Variants in TMEM67 observed in about 807,000 individuals in gnomAD.
The protein encoded by TMEM67 is meckelin.
Under a neutral mutation model 136.6 loss-of-function variants are expected in TMEM67, and 124 were observed. The observed-to-expected ratio is 0.91, with a 90% CI of 0.78 to 1.05. TMEM67 has a LOEUF of 1.05. Among genes scored for constraint, TMEM67 ranks in the 50% least tolerant of loss-of-function variants. The pLI, the probability that TMEM67 is intolerant of heterozygous loss-of-function variation, is 0.00. For missense variants in TMEM67, 1,107 were observed against 1,178.4 expected, an observed-to-expected ratio of 0.94 and a Z score of 0.89; for synonymous variants, 364 against 390.5, an observed-to-expected ratio of 0.93 and a Z score of 0.80.
intron 24 of TMEM67, 47 bp downstream of exon 24, chr8:93,809,003 TTTTTA>T: frequency 6.5e-7 from 1 of 1,536,806 alleles, no homozygotes; most frequent in Non-Finnish European, 9.0e-7. Flanking sequence ...TATTTCATGT[TTTTTA>T]GATACCAAGA....
At chr8:93,814,904 C>T (rs1808848081) in intron 26 of TMEM67, among the ~76,000 whole-genome samples, 1 of 152,176 alleles carries the variant, frequency 6.6e-6, no homozygotes, top group Admixed American at 6.5e-5. Context: ...AATTCTTGAA[C>T]TCTTGAACAC....
intron 14 of TMEM67, 192 bp from the exon 15 acceptor site, chr8:93,791,071 A>C (rs772508979): frequency 4.4e-5 from 23 of 528,302 alleles, no homozygotes; most frequent in Non-Finnish European, 7.8e-5. Context: ...GTGAAAGGAT[A>C]TTTAAAGCAG....
At chr8:93,808,783 T>C in intron 23 of TMEM67, 57 bp from the exon 24 acceptor site, 1 of 1,130,844 alleles carries the variant, frequency 8.8e-7, no homozygotes, top group Non-Finnish European at 1.3e-6. Flanking sequence ...TATTTTCTTT[T>C]TGAGGCAGGA....
At position 93,785,419 on chromosome 8, in the gene TMEM67, A is replaced by G. The variant is rs759569637; in HGVS notation, c.1288+41A>G. 3.2e-6 allele frequency: 5 copies of G among 1,581,786 alleles called. No homozygotes were observed. In the Admixed American group the frequency reaches 8.4e-5, roughly 27 times the overall value. ...ATACCACTCTTTTCCCTGAGCAGAA[A>G]TCAACAAATAAGTTAACCTACATGA... On this transcript the variant is annotated intron_variant, in intron 12 of 27. Transcript: ENST00000453321.
rs759073614 is a variant in TMEM67 at position 93,797,399 on chromosome 8, T to C, written c.2029T>C (p.Trp677Arg). The stretch of plus-strand genomic sequence containing the variant: ...GAGAACATATTTTGTAGCAAATGAA[T>C]GGAATGAAATTCAGACTGTGAGAAA... ...IWRTYFVANE[W>R]NEIQTVRKIN... is the part of the protein sequence containing the mutation. The change falls in exon 20 of 28, where the codon TGG (tryptophan) becomes CGG (arginine). Residue 677 changes from tryptophan (W) to arginine (R), a missense_variant. Coordinates refer to ENST00000453321, the MANE Select transcript of TMEM67 (RefSeq NM_153704.6). 1 of 1,614,036 alleles carries C rather than the reference T, an allele frequency of 6.2e-7. No individual in the cohort carries two copies.
Position 93,780,916 on chromosome 8 carries a change from A to C in TMEM67, c.912A>C (p.Gly304=), listed in dbSNP as rs1415395577. Residue 304 remains glycine (G), a synonymous_variant, in exon 9 of 28, where the codon GGA becomes GGC. Transcript: ENST00000453321. Reference sequence around the variant, plus strand: ...GGCTGTTTTATGGAGACCAGTTAGGATTAGCACCTCAAGTGCTCAGTTCTA... The same window carrying C: ...GGCTGTTTTATGGAGACCAGTTAGGCTTAGCACCTCAAGTGCTCAGTTCTA... ...LPWLFYGDQL[G]LAPQVLSSTS... 2 of 1,612,526 alleles carry C rather than the reference A, an allele frequency of 1.2e-6. No individual in the cohort carries two copies. Among genetic ancestry groups the C allele is most frequent in the Non-Finnish European group, 1.7e-6 (2 of 1,179,886 alleles).
chr8:93,802,044 A>C (rs1814893536), intron 21 of TMEM67, among the ~76,000 whole-genome samples: 1 of 152,234 alleles, frequency 6.6e-6, no homozygotes, highest in Non-Finnish European at 1.5e-5. Context: ...ATTTGGTTGA[A>C]TATAACACAA....
At chr8:93,832,618 C>T in the TMEM67 span, among the ~76,000 whole-genome samples, 57 of 152,160 alleles carry the variant, frequency 3.7e-4, no homozygotes, top group African/African-American at 1.2e-3. Context: ...CCTGTAATCC[C>T]AGCATTTTGG....
chr8:93,782,212 C>T (rs1287051302), intron 10 of TMEM67, among the ~76,000 whole-genome samples, 183 bp from the exon 11 acceptor site: 1 of 152,080 alleles, frequency 6.6e-6, no homozygotes, highest in Non-Finnish European at 1.5e-5. Flanking sequence ...CCATGCCTGG[C>T]TAAGTTTTAT....
rs1432152491 is a variant in TMEM67 at position 93,755,135 on chromosome 8, G to A, written c.221G>A (p.Arg74Gln). Residue 74 changes from arginine (R) to glutamine (Q), a missense_variant and splice_region_variant, in exon 1 of 28, where the codon CGA becomes CAA. Transcript: ENST00000453321. ...GGAGCTAACCAGAGGCAAGATGCCC[G>A]AGGTAAGACGGTTTGCGGTGGGCCC... ...PCGANQRQDA[R>Q]GTSCVCLPGF... 1 of 1,614,070 alleles carries A rather than the reference G, an allele frequency of 6.2e-7. No individual in the cohort carries two copies. Among genetic ancestry groups the A allele is most frequent in the Non-Finnish European group, 8.5e-7 (1 of 1,179,964 alleles).
At chr8:93,760,588 C>T (rs1052807000) in intron 3 of TMEM67, among the ~76,000 whole-genome samples, 4 of 151,772 alleles carry the variant, frequency 2.6e-5, no homozygotes, top group African/African-American at 9.7e-5. Flanking sequence ...ACCAAAAATA[C>T]TCAGTCACTT....
At chr8:93,801,564 G>C (rs1215898954) in intron 21 of TMEM67, among the ~76,000 whole-genome samples, 1 of 152,068 alleles carries the variant, frequency 6.6e-6, no homozygotes, top group Non-Finnish European at 1.5e-5. Flanking sequence ...ACCAGGCCCA[G>C]CTAATTTTTG....
chr8:93,808,812 T>A, intron 23 of TMEM67, 28 bp from the exon 24 acceptor site: 1 of 1,419,364 alleles, frequency 7.0e-7, no homozygotes, highest in Non-Finnish European at 1.0e-6. Context: ...ATAATTTTGA[T>A]CTTAACTTAA....
In TMEM67 at chr8:93,815,292, A is replaced by G. The variant is rs1563486326; in HGVS notation, c.2765-13A>G. On this transcript the variant is annotated splice_polypyrimidine_tract_variant and intron_variant, in intron 26 of 27. Coordinates refer to ENST00000453321, the MANE Select transcript of TMEM67 (RefSeq NM_153704.6). ...TAAATTTCTAATTTATATTTTCTAA[A>G]TTTTTTTAATAGATGAAGGTTATTC... 1.3e-6 allele frequency: 2 copies of G among 1,493,544 alleles called. No individual in the cohort carries two copies. Among genetic ancestry groups the G allele is most frequent in the South Asian group, 1.3e-5 (1 of 77,262 alleles). 92.5% of individuals were successfully genotyped at this position (1,493,544 alleles called of 1,614,324 possible).
At chr8:93,791,100 G>A (rs763485434) in intron 14 of TMEM67, 163 bp from the exon 15 acceptor site, 2 of 571,880 alleles carry the variant, frequency 3.5e-6, no homozygotes, top group Non-Finnish European at 6.3e-6. Context: ...ATTCTCAAAA[G>A]CATATCTATT....
At chr8:93,759,117 T>C (rs1325025302) in intron 3 of TMEM67, 1 of 152,226 alleles carries the variant, frequency 6.6e-6, no homozygotes, top group East Asian at 1.9e-4. Context: ...TTCCTGTTAA[T>C]GTCAGGACCT....
rs1563469082 is a variant in TMEM67 at position 93,793,306 on chromosome 8, C to A, written c.1674+10C>A. ...CATGATTGATTTACAGGTATAATCT[C>A]AGGAGTTTTTTAAGAATATTTTTAT... On this transcript the variant is annotated intron_variant, in intron 16 of 27. Coordinates refer to ENST00000453321, the MANE Select transcript of TMEM67 (RefSeq NM_153704.6). 1 of 1,599,832 alleles carries A rather than the reference C, an allele frequency of 6.3e-7. No homozygotes were observed. The highest frequency in any genetic ancestry group is 8.6e-7 in the Non-Finnish European group (1 of 1,167,066).
intron 26 of TMEM67, among the ~76,000 whole-genome samples, chr8:93,811,874 GTGCGGTGGCTCA>G (rs1808716598): frequency 1.3e-5 from 2 of 151,894 alleles, no homozygotes; most frequent in Non-Finnish European, 1.5e-5. Flanking sequence ...ATGGGGCCAG[GTGCGGTGGCTCA>G]TGCCTGTAAT....
chr8:93,830,588 T>C, the TMEM67 span, among the ~76,000 whole-genome samples: 1 of 152,214 alleles, frequency 6.6e-6, no homozygotes, highest in Non-Finnish European at 1.5e-5. Flanking sequence ...GCAGAACTGA[T>C]TGCTTGTTTG....
Sources: allele counts gnomAD v4.1 joint callset (sites outside exome capture counted in the v4.1 genomes callset), GRCh38; gene constraint gnomAD v4.1.1; transcripts MANE v1.5; gene names NCBI Gene and HGNC (gene_info 2026-07-23, HGNC 2026-07-21).